Variants in STK32B observed in about 807,000 individuals in gnomAD.
STK32B encodes serine/threonine kinase 32B.
STK32B carries 43 observed loss-of-function variants against 52.6 expected under a neutral mutation model. That is an observed-to-expected ratio of 0.82 (90% CI 0.64 to 1.05). The LOEUF (loss-of-function observed/expected upper bound fraction) is 1.05, where lower values mean the gene tolerates loss of function less well. Among genes scored for constraint, STK32B ranks in the 50% least tolerant of loss-of-function variants. The pLI is 0.00. For synonymous variants in STK32B, 238 were observed against 204.3 expected (o/e 1.17, Z -1.41); for missense variants, 621 against 534.6 (o/e 1.16, Z -1.59).
At chr4:5,475,366 A>C (rs941439607) in intron 11 of STK32B, among the ~76,000 whole-genome samples, 9 of 143,974 alleles carry the variant, frequency 6.3e-5, no homozygotes, top group Non-Finnish European at 1.4e-4. Context: ...CGGAGGTTGC[A>C]GTGAGCCGAG....
rs868668171 is a variant in STK32B, at chr4:5,325,712, C to G, written c.261-5508C>G. On this transcript the variant is annotated intron_variant, in intron 3 of 11. Coordinates refer to ENST00000282908, the MANE Select transcript of STK32B (RefSeq NM_018401.3). ...CAGCACACAATTTTCTTTGCTCTTG[C>G]AAGGAGAGCCTAATTTTCCAGATTT... is the stretch of plus-strand genomic sequence containing the variant. 2.0e-5 allele frequency among the ~76,000 whole-genome samples: 3 copies of G among 152,182 alleles called. No individual in the cohort carries two copies. The East Asian group carries it at 5.8e-4, about 29-fold the overall frequency.
At chr4:5,457,548 T>G (rs1238669773) in intron 8 of STK32B, among the ~76,000 whole-genome samples, 1 of 151,328 alleles carries the variant, frequency 6.6e-6, no homozygotes, top group Non-Finnish European at 1.5e-5. Flanking sequence ...CTGCACATGG[T>G]CTTTTCACTC....
At chr4:5,171,575 C>T (rs1035869413) in intron 3 of STK32B, among the ~76,000 whole-genome samples, 3 of 152,050 alleles carry the variant, frequency 2.0e-5, no homozygotes, top group African/African-American at 4.8e-5. Context: ...ATCCTTTCCC[C>T]ATTGCTTGTT....
Position 5,441,339 on chromosome 4 carries a change from T to C in STK32B, c.563-5334T>C, listed in dbSNP as rs1226776507. Among the ~76,000 whole-genome samples the C allele has an allele frequency of 1.1e-4, 17 of 151,338 alleles. No homozygotes were observed. The South Asian group carries it at 3.6e-3, about 32-fold the overall frequency. On this transcript the variant is annotated intron_variant, in intron 6 of 11. Coordinates refer to ENST00000282908, the MANE Select transcript of STK32B (RefSeq NM_018401.3). Reference sequence around the variant, plus strand: ...TCTTCCTGGTTTAGTCTTGGGAGAGTGTATGTGTCCAGGAATTTATCCATT... The same window carrying C: ...TCTTCCTGGTTTAGTCTTGGGAGAGCGTATGTGTCCAGGAATTTATCCATT...
At chr4:5,320,714 A>G (rs556371174) in intron 3 of STK32B, among the ~76,000 whole-genome samples, 3 of 152,330 alleles carry the variant, frequency 2.0e-5, no homozygotes, top group East Asian at 1.9e-4. Context: ...GCCCAAAACT[A>G]AAACATCATT....
At chr4:5,115,424 A>G (rs1425501524) in intron 1 of STK32B, among the ~76,000 whole-genome samples, 3 of 152,224 alleles carry the variant, frequency 2.0e-5, no homozygotes, top group Admixed American at 6.5e-5. Flanking sequence ...AAACATTTAA[A>G]TTGGCTCTGT....
intron 2 of STK32B, among the ~76,000 whole-genome samples, chr4:5,158,155 C>G (rs967341980): frequency 5.3e-5 from 8 of 152,238 alleles, no homozygotes; most frequent in African/African-American, 1.4e-4. Flanking sequence ...CTTGGTGGAC[C>G]TCATTGCTCA....
chr4:5,329,878 A>G (rs532842397), intron 3 of STK32B, among the ~76,000 whole-genome samples: 1 of 152,070 alleles, frequency 6.6e-6, no homozygotes, highest in Admixed American at 6.6e-5. Context: ...GCTGGAGGGG[A>G]TTTGAGGTCC....
chr4:5,224,464 T>C (rs2108799586), intron 3 of STK32B, among the ~76,000 whole-genome samples: 1 of 152,334 alleles, frequency 6.6e-6, no homozygotes, highest in East Asian at 1.9e-4. Flanking sequence ...TCCAGCTCTC[T>C]TGTAGCCCAA....
intron 3 of STK32B, among the ~76,000 whole-genome samples, chr4:5,322,038 TG>T (rs1258046963): frequency 1.2e-3 from 45 of 37,216 alleles, no homozygotes; most frequent in African/African-American, 4.2e-3. Context: ...GGAGTGGGGG[TG>T]GGGGGTTGGG....
At chr4:5,298,669 T>C (rs10213370) in intron 3 of STK32B, among the ~76,000 whole-genome samples, 20,720 of 151,970 alleles carry the variant, frequency 0.14, 2,810 homozygotes, top group African/African-American at 0.35. Flanking sequence ...GTATTGACTT[T>C]AGACTGCTGT....
chr4:5,219,141 G>T (rs1429200281), intron 3 of STK32B, among the ~76,000 whole-genome samples: 1 of 152,220 alleles, frequency 6.6e-6, no homozygotes, highest in African/African-American at 2.4e-5. Flanking sequence ...CTCCAAGGTG[G>T]AGTCTGACCA....
intron 4 of STK32B, among the ~76,000 whole-genome samples, chr4:5,387,143 G>T (rs140645798): frequency 6.6e-6 from 1 of 152,224 alleles, no homozygotes; most frequent in African/African-American, 2.4e-5. Context: ...AGCAGGAAGC[G>T]CTCGAGGATC....
At chr4:5,444,576 C>A (rs1715201704) in intron 6 of STK32B, among the ~76,000 whole-genome samples, 1 of 152,240 alleles carries the variant, frequency 6.6e-6, no homozygotes, top group Non-Finnish European at 1.5e-5. Context: ...GTCGCTCACA[C>A]TGGGAGCTGT....
intron 4 of STK32B, among the ~76,000 whole-genome samples, chr4:5,383,050 G>A (rs1009722199): frequency 2.6e-5 from 4 of 152,176 alleles, no homozygotes; most frequent in East Asian, 1.9e-4. Context: ...AGGTCTCCAC[G>A]TCGACTCTGC....
chr4:5,088,478 A>G (rs1357767631), intron 1 of STK32B, among the ~76,000 whole-genome samples: 2 of 152,160 alleles, frequency 1.3e-5, no homozygotes, highest in Admixed American at 1.3e-4. Flanking sequence ...TAGTAACTCA[A>G]AGGATAAATA....
At chr4:5,079,560 T>A (rs1166099291) in intron 1 of STK32B, among the ~76,000 whole-genome samples, 1 of 152,214 alleles carries the variant, frequency 6.6e-6, no homozygotes, top group African/African-American at 2.4e-5. Context: ...TATTACTATG[T>A]GTCTAAAACT....
chr4:5,063,170 A>G (rs989539588), intron 1 of STK32B, among the ~76,000 whole-genome samples: 1 of 152,194 alleles, frequency 6.6e-6, no homozygotes, highest in Non-Finnish European at 1.5e-5. Flanking sequence ...GATGATGGCA[A>G]ATTGTTTACC....
intron 4 of STK32B, among the ~76,000 whole-genome samples, chr4:5,352,535 C>T (rs1733892415): frequency 6.6e-6 from 1 of 150,892 alleles, no homozygotes; most frequent in Non-Finnish European, 1.5e-5. Flanking sequence ...GAACTGGAAT[C>T]AGACAAGAAT....
Sources: gnomAD v4.1 joint callset for allele counts (sites outside exome capture counted in the v4.1 genomes callset) on GRCh38, gnomAD v4.1.1 for gene constraint, MANE v1.5 for transcripts, NCBI Gene and HGNC (gene_info 2026-07-23, HGNC 2026-07-21) for gene names.